Variants in ZNF709 observed in about 807,000 individuals in gnomAD.
ZNF709 encodes zinc finger protein 709.
Under a neutral mutation model 10.6 loss-of-function variants are expected in ZNF709, and 15 were observed. That is an observed-to-expected ratio of 1.41 (90% CI 0.95 to 2.18). The LOEUF (loss-of-function observed/expected upper bound fraction) is 2.18, where lower values mean the gene tolerates loss of function less well. ZNF709 is among the 30% of genes most tolerant of loss of function. The pLI is 0.00. For missense variants in ZNF709, 589 were observed against 774.0 expected, an observed-to-expected ratio of 0.76 and a Z score of 2.84; for synonymous variants, 194 against 238.8, an observed-to-expected ratio of 0.81 and a Z score of 1.73.
At chr19:12,472,874 C>T (rs2144998885) in intron 1 of ZNF709, among the ~76,000 whole-genome samples, 1 of 151,504 alleles carries the variant, frequency 6.6e-6, no homozygotes, top group South Asian at 2.1e-4. Flanking sequence ...CAGAGTGAGA[C>T]TCTGTCTCAA....
At chr19:12,465,759 G>A (rs10404972) in intron 3 of ZNF709, 26 bp from the exon 4 acceptor site, 631,492 of 1,437,334 alleles carry the variant, frequency 0.44, 148,258 homozygotes, top group Non-Finnish European at 0.48. Flanking sequence ...AAAACAAAAC[G>A]CACAATTAGT....
chr19:12,473,012 C>G (rs940099743), intron 1 of ZNF709, among the ~76,000 whole-genome samples: 1 of 152,184 alleles, frequency 6.6e-6, no homozygotes, highest in Non-Finnish European at 1.5e-5. Context: ...GTATTGATGA[C>G]CACTGCCAAT....
chr19:12,483,849 G>A (rs1038368130), intron 1 of ZNF709, among the ~76,000 whole-genome samples: 17 of 151,760 alleles, frequency 1.1e-4, no homozygotes, highest in Non-Finnish European at 1.0e-4. Context: ...GAAGTGCTGC[G>A]CTGGAAAGGA....
In ZNF709 at chr19:12,463,960, A is replaced by G. The variant is rs1970539496; in HGVS notation, c.*36T>C. 1 of 1,353,798 alleles carries G rather than the reference A, an allele frequency of 7.4e-7. No homozygotes were observed. The highest frequency in any genetic ancestry group is 1.5e-5 in the African/African-American group (1 of 67,082). The allele number at this position is 1,353,798 out of a possible 1,614,324, so 83.9% of individuals were successfully genotyped here. On this transcript the variant is annotated 3_prime_UTR_variant, in exon 4 of 4. Coordinates refer to ENST00000397732, the MANE Select transcript of ZNF709 (RefSeq NM_152601.4). Reference sequence around the variant, plus strand: ...AAAAAAAAAAAAAGGAAATAGGACAACTGAAAACTTTGCCATATTGCTTAT... The same window carrying G: ...AAAAAAAAAAAAAGGAAATAGGACAGCTGAAAACTTTGCCATATTGCTTAT...
In ZNF709 at chr19:12,466,766, T is replaced by A. The variant is rs1354525264; in HGVS notation, c.88A>T (p.Arg30Ter). Residue 30 changes from arginine to a stop codon, truncating the protein, a stop_gained, in exon 2 of 4, where the codon AGA (arginine) becomes TGA (stop). Coordinates refer to ENST00000397732, the MANE Select transcript of ZNF709 (RefSeq NM_152601.4). LOFTEE classifies it high-confidence loss of function. ...LLGPSQKKLY[R>*]DVMQETFVNL... ...ACAAAGGTTTCTTGCATCACATCTC[T>A]GTAGAGTTTCTTCTGAGAGGGACCC... 1 of 1,614,066 alleles carries A rather than the reference T, an allele frequency of 6.2e-7. No individual in the cohort carries two copies. The highest frequency in any genetic ancestry group is 1.7e-5 in the Admixed American group (1 of 60,012).
chr19:12,465,132 A>G lies in ZNF709; in HGVS notation c.790T>C (p.Tyr264His), dbSNP rs769584310. Residue 264 changes from tyrosine (Y) to histidine (H), a missense_variant, in exon 4 of 4, where the codon TAC becomes CAC. By Grantham distance (83) the Tyr-to-His change is moderately conservative (BLOSUM62 2). Transcript: ENST00000397732. ...CKQCGKAFRY[Y>H]QTFQIHERTH... ...CTTTCATGTATTTGAAAAGTTTGGTAATATCTGAAAGCTTTTCCACATTGT... is the reference window on the plus strand; with the variant it reads ...CTTTCATGTATTTGAAAAGTTTGGTGATATCTGAAAGCTTTTCCACATTGT... 6.2e-7 allele frequency: 1 copy of G among 1,612,068 alleles called. No homozygotes were observed. Among genetic ancestry groups the G allele is most frequent in the Non-Finnish European group, 8.5e-7 (1 of 1,179,414 alleles).
chr19:12,469,352 G>C (rs1970614312), intron 1 of ZNF709, among the ~76,000 whole-genome samples: 1 of 152,114 alleles, frequency 6.6e-6, no homozygotes, highest in Admixed American at 6.6e-5. Flanking sequence ...TAACTTGTTT[G>C]TATAATATTT....
intron 1 of ZNF709, among the ~76,000 whole-genome samples, chr19:12,471,398 C>A (rs750771428): frequency 6.6e-6 from 1 of 152,072 alleles, no homozygotes; most frequent in Non-Finnish European, 1.5e-5. Flanking sequence ...TTCTACAAAT[C>A]CCTAAAATAG....
At chr19:12,470,843 C>T (rs886892491) in intron 1 of ZNF709, among the ~76,000 whole-genome samples, 6 of 150,800 alleles carry the variant, frequency 4.0e-5, no homozygotes, top group Non-Finnish European at 7.4e-5. Context: ...AGGAGAATGG[C>T]GTGAACCCGG....
Position 12,484,564 on chromosome 19 carries a change from C to A in ZNF709, c.3+91G>T, listed in dbSNP as rs1254609603. On this transcript the variant is annotated intron_variant, in intron 1 of 3. Transcript: ENST00000397732. The stretch of plus-strand genomic sequence containing the variant: ...GGTCCACAGACCCGGGAGACAACGG[C>A]GGGGAGGCCTGGGTCCCACCACAGC... 45 of 1,504,442 alleles carry A rather than the reference C, an allele frequency of 3.0e-5. No individual in the cohort carries two copies. In the South Asian group the frequency reaches 4.7e-4, roughly 16 times the overall value. The allele number at this position is 1,504,442 out of a possible 1,614,324, so 93.2% of individuals were successfully genotyped here.
At chr19:12,473,985 G>T (rs1297594902) in intron 1 of ZNF709, among the ~76,000 whole-genome samples, 1 of 152,230 alleles carries the variant, frequency 6.6e-6, no homozygotes, top group South Asian at 2.1e-4. Context: ...GTTTGAGGCT[G>T]CAGTGAGCCA....
chr19:12,483,558 ACAGAGTCT>A (rs1970749857), intron 1 of ZNF709, among the ~76,000 whole-genome samples: 1 of 151,444 alleles, frequency 6.6e-6, no homozygotes, highest in Non-Finnish European at 1.5e-5. Context: ...TTTTTTTGAG[ACAGAGTCT>A]CACTCTGTCG....
At chr19:12,469,357 A>G (rs568438049) in intron 1 of ZNF709, among the ~76,000 whole-genome samples, 1 of 152,140 alleles carries the variant, frequency 6.6e-6, no homozygotes, top group African/African-American at 2.4e-5. Flanking sequence ...TGTTTGTATA[A>G]TATTTATCAC....
chr19:12,467,615 T>C (rs555064626), intron 1 of ZNF709, among the ~76,000 whole-genome samples: 1 of 149,580 alleles, frequency 6.7e-6, no homozygotes, highest in Non-Finnish European at 1.5e-5. Context: ...GTCTGGGATG[T>C]GAGGAGCCCC....
intron 1 of ZNF709, among the ~76,000 whole-genome samples, chr19:12,480,980 C>T (rs1216499744): frequency 1.3e-5 from 2 of 148,182 alleles, no homozygotes; most frequent in South Asian, 4.2e-4. Context: ...GACAGGGTTT[C>T]GCCATGTTGC....
intron 1 of ZNF709, among the ~76,000 whole-genome samples, chr19:12,474,950 C>T (rs1282739720): frequency 6.6e-6 from 1 of 152,042 alleles, no homozygotes; most frequent in African/African-American, 2.4e-5. Context: ...AAAATGGACA[C>T]TGAATATTAA....
chr19:12,480,156 T>TAAA (rs74312590), intron 1 of ZNF709, among the ~76,000 whole-genome samples: 1 of 147,786 alleles, frequency 6.8e-6, no homozygotes, highest in African/African-American at 2.5e-5. Context: ...CCCTGTTTTT[T>TAAA]AAAAAAAAAA....
Position 12,465,054 on chromosome 19 carries a change from T to C in ZNF709, c.868A>G (p.Ser290Gly). The change falls in exon 4 of 4, where the codon AGT (serine) becomes GGT (glycine). Residue 290 changes from serine to glycine, a missense_variant. Physicochemically the swap from Ser to Gly is moderately conservative, Grantham distance 56. Coordinates refer to ENST00000397732, the MANE Select transcript of ZNF709 (RefSeq NM_152601.4). Reference sequence around the variant, plus strand: ...TGACTTCGAAAGGATGTGGGACAACTAAGAGCTTTACCACATTGCTTACAC... The same window carrying C: ...TGACTTCGAAAGGATGTGGGACAACCAAGAGCTTTACCACATTGCTTACAC... The part of the protein sequence containing the change: ...YQCKQCGKAL[S>G]CPTSFRSHER... The C allele has an allele frequency of 6.2e-7, 1 of 1,613,260 alleles. No individual in the cohort carries two copies. Among genetic ancestry groups the C allele is most frequent in the Non-Finnish European group, 8.5e-7 (1 of 1,179,710 alleles).
intron 1 of ZNF709, among the ~76,000 whole-genome samples, chr19:12,478,086 C>T (rs148837224): frequency 4.6e-5 from 7 of 152,202 alleles, no homozygotes; most frequent in Admixed American, 2.0e-4. Flanking sequence ...AGCAGCAACA[C>T]TTAAGGGTCC....
Sources: gnomAD v4.1 joint callset for allele counts (sites outside exome capture counted in the v4.1 genomes callset) on GRCh38, gnomAD v4.1.1 for gene constraint, MANE v1.5 for transcripts, NCBI Gene and HGNC (gene_info 2026-07-23, HGNC 2026-07-21) for gene names.